The following SCYL2 variants were observed in gnomAD, a reference collection of about 807,000 sequenced individuals.
The protein encoded by SCYL2 is SCY1-like protein 2.
In SCYL2, 36 loss-of-function variants were observed where a neutral mutation model predicts 100.4. The observed-to-expected ratio is 0.36, with a 90% CI of 0.27 to 0.47. The LOEUF (loss-of-function observed/expected upper bound fraction) is 0.47, where lower values mean the gene tolerates loss of function less well. Among genes scored for constraint, SCYL2 ranks in the 20% least tolerant of loss-of-function variants. SCYL2 has a pLI of 1.00. For missense variants in SCYL2, 902 were observed against 1,083.9 expected, an observed-to-expected ratio of 0.83 and a Z score of 2.36; for synonymous variants, 330 against 359.2, an observed-to-expected ratio of 0.92 and a Z score of 0.92.
intron 16 of SCYL2, among the ~76,000 whole-genome samples, chr12:100,336,129 A>C (rs1469514763): frequency 6.6e-6 from 1 of 152,142 alleles, no homozygotes; most frequent in African/African-American, 2.4e-5. Context: ...CCACAAGGTA[A>C]TATTTATAGA....
intron 4 of SCYL2, among the ~76,000 whole-genome samples, chr12:100,308,855 T>G (rs923314156): frequency 3.7e-4 from 56 of 152,134 alleles, no homozygotes; most frequent in African/African-American, 1.3e-3. Flanking sequence ...CCAGCATAGC[T>G]TTGCTTTCTG....
At chr12:100,294,877 C>T (rs1346821677) in intron 3 of SCYL2, among the ~76,000 whole-genome samples, 2 of 151,528 alleles carry the variant, frequency 1.3e-5, no homozygotes, top group Admixed American at 6.6e-5. Flanking sequence ...GGCTGCCGGG[C>T]GGAGAGGCTC....
chr12:100,298,566 T>G (rs1444395055), intron 4 of SCYL2, among the ~76,000 whole-genome samples: 2 of 152,226 alleles, frequency 1.3e-5, no homozygotes, highest in South Asian at 2.1e-4. Context: ...TTTTCTTTTT[T>G]GAGACGGAGT....
At chr12:100,315,279 G>GA (rs1216609147) in intron 8 of SCYL2, among the ~76,000 whole-genome samples, 1 of 152,102 alleles carries the variant, frequency 6.6e-6, no homozygotes, top group Non-Finnish European at 1.5e-5. Context: ...GAATCAAGAG[G>GA]AAAAACAAAC....
intron 11 of SCYL2, among the ~76,000 whole-genome samples, 176 bp from the exon 12 acceptor site, chr12:100,326,446 C>A (rs142281292): frequency 6.6e-6 from 1 of 152,154 alleles, no homozygotes; most frequent in Non-Finnish European, 1.5e-5. Flanking sequence ...GTGAAACAAG[C>A]CAGGAAAATT....
chr12:100,305,709 G>C (rs1028746743), intron 4 of SCYL2, among the ~76,000 whole-genome samples: 5 of 144,154 alleles, frequency 3.5e-5, no homozygotes, highest in African/African-American at 1.3e-4. Context: ...AGTGAATCTA[G>C]GAGCTGGTTT....
At chr12:100,270,049 C>T (rs142564851) in intron 1 of SCYL2, among the ~76,000 whole-genome samples, 60 of 151,062 alleles carry the variant, frequency 4.0e-4, no homozygotes, top group Middle Eastern at 3.5e-3. Context: ...TGCCGTGGCG[C>T]GATCTCGGCT....
At chr12:100,299,102 G>A (rs1811545458) in intron 4 of SCYL2, among the ~76,000 whole-genome samples, 1 of 151,992 alleles carries the variant, frequency 6.6e-6, no homozygotes, top group African/African-American at 2.4e-5. Context: ...GGGCATGGTG[G>A]CATGCACCTG....
At chr12:100,323,251 G>A (rs1259858752) in intron 10 of SCYL2, among the ~76,000 whole-genome samples, 2 of 152,174 alleles carry the variant, frequency 1.3e-5, no homozygotes, top group East Asian at 3.9e-4. Context: ...AAAGAGATTA[G>A]GAATGAGATC....
intron 9 of SCYL2, 84 bp from the exon 10 acceptor site, chr12:100,317,719 C>A: frequency 6.9e-7 from 1 of 1,453,822 alleles, no homozygotes; most frequent in South Asian, 1.6e-5. Context: ...ATGAGTTATT[C>A]TTTTGAAGAA....
chr12:100,336,949 AG>A (rs1202330954), intron 16 of SCYL2, among the ~76,000 whole-genome samples: 1 of 152,186 alleles, frequency 6.6e-6, no homozygotes, highest in Non-Finnish European at 1.5e-5. Flanking sequence ...AGTTGATAAA[AG>A]ACAAGACATC....
chr12:100,333,458 C>T (rs1292295480), intron 13 of SCYL2, among the ~76,000 whole-genome samples: 1 of 152,122 alleles, frequency 6.6e-6, no homozygotes, highest in Non-Finnish European at 1.5e-5. Flanking sequence ...TATAAACACT[C>T]AACACAAAAA....
At chr12:100,281,270 C>T (rs1223659601) in intron 1 of SCYL2, among the ~76,000 whole-genome samples, 1 of 152,024 alleles carries the variant, frequency 6.6e-6, no homozygotes, top group Middle Eastern at 3.2e-3. Flanking sequence ...CTCAAGTGAT[C>T]CACCTCCATC....
rs143211264 is a variant in SCYL2 at position 100,305,236 on chromosome 12, T to C, written c.481-5808T>C. Among the ~76,000 whole-genome samples the C allele has an allele frequency of 9.2e-5, 14 of 152,304 alleles. No individual in the cohort carries two copies. In the East Asian group the frequency reaches 2.7e-3, roughly 29 times the overall value. On this transcript the variant is annotated intron_variant, in intron 4 of 17. Coordinates refer to ENST00000360820, the MANE Select transcript of SCYL2 (RefSeq NM_017988.6). ...GCACCACATTGCAGTTATTCTAAAA[T>C]TGACCACATAATTGGAAGTAAAACA...
At chr12:100,282,745 A>G (rs2096300290) in intron 1 of SCYL2, among the ~76,000 whole-genome samples, 198 bp from the exon 2 acceptor site, 1 of 152,204 alleles carries the variant, frequency 6.6e-6, no homozygotes, top group African/African-American at 2.4e-5. Context: ...GGTTGAAACG[A>G]GCAGTTTGAT....
In SCYL2 at chr12:100,281,019, G is replaced by GTTTTTTTTTTT. The variant is rs202048587; in HGVS notation, c.-28-1905_-28-1895dup. Among the ~76,000 whole-genome samples, 3 of 50,492 alleles carry GTTTTTTTTTTT rather than the reference G, an allele frequency of 5.9e-5. 1 individual carries two copies. The highest frequency in any genetic ancestry group is 1.2e-4 in the Non-Finnish European group (3 of 24,122). 33.1% of individuals were successfully genotyped at this position (50,492 alleles called of 152,430 possible). A position where few individuals can be genotyped will look rare whatever the true frequency, so the allele number is the denominator to read the frequency against. On this transcript the variant is annotated intron_variant, in intron 1 of 17. Transcript: ENST00000360820. The stretch of plus-strand genomic sequence containing the variant: ...ATTTTATTGTCCCTTTACCATCAGT[G>GTTTTTTTTTTT]TTTTTTTTTTTTTTTTTTTTTTTTT...
In SCYL2 at chr12:100,281,695, G is replaced by A. The variant is rs1368018779; in HGVS notation, c.-28-1248G>A. ...AGAAAATAGAAAAAATTAGCCGGGC[G>A]TGGTAGCGGGCGCCTGTAGTCCCAG... On this transcript the variant is annotated intron_variant, in intron 1 of 17. Coordinates refer to ENST00000360820, the MANE Select transcript of SCYL2 (RefSeq NM_017988.6). Among the ~76,000 whole-genome samples the A allele has an allele frequency of 3.3e-5, 5 of 152,160 alleles. No individual in the cohort carries two copies. The East Asian group carries it at 5.8e-4, about 18-fold the overall frequency.
chr12:100,316,678 G>A (rs2096349110), intron 9 of SCYL2, among the ~76,000 whole-genome samples: 1 of 152,180 alleles, frequency 6.6e-6, no homozygotes, highest in African/African-American at 2.4e-5. Flanking sequence ...AAATGGTCAA[G>A]GTGTCATGAG....
chr12:100,312,375 T>A (rs1037755183), intron 5 of SCYL2, 57 bp from the exon 6 acceptor site: 1 of 1,253,392 alleles, frequency 8.0e-7, no homozygotes, highest in Non-Finnish European at 1.2e-6. Context: ...TTACTACTGC[T>A]TGATAGTTGT....
Sources: allele counts gnomAD v4.1 joint callset (sites outside exome capture counted in the v4.1 genomes callset), GRCh38; gene constraint gnomAD v4.1.1; transcripts MANE v1.5; gene names NCBI Gene and HGNC (gene_info 2026-07-23, HGNC 2026-07-21).